The following RTEL1 variants were observed in gnomAD, a reference collection of about 807,000 sequenced individuals.
The protein encoded by RTEL1 is regulator of telomere length.
A neutral mutation model predicts 162.2 loss-of-function variants in RTEL1; 86 were observed. That is an observed-to-expected ratio of 0.53 (90% CI 0.45 to 0.63). The LOEUF (loss-of-function observed/expected upper bound fraction) is 0.63, where lower values mean the gene tolerates loss of function less well. Among genes scored for constraint, RTEL1 ranks in the 30% least tolerant of loss-of-function variants. The probability of loss-of-function intolerance (pLI) is 0.00; values close to 1 mark genes in which losing one functional copy is unlikely to be tolerated. For missense variants in RTEL1, 1,941 were observed against 1,750.2 expected (o/e 1.11, Z -1.95); for synonymous variants, 958 against 717.9 (o/e 1.33, Z -5.35).
intron 7 of RTEL1, among the ~76,000 whole-genome samples, 160 bp from the exon 8 acceptor site, chr20:63,667,309 T>G (rs920065540): frequency 6.6e-6 from 1 of 151,952 alleles, no homozygotes; most frequent in Non-Finnish European, 1.5e-5. Flanking sequence ...CATCCCTTGG[T>G]CAGAAACTCA....
At position 63,670,448 on chromosome 20, in the gene RTEL1, G is replaced by A. The variant is rs534513759; in HGVS notation, c.700-2108G>A. 1.3e-4 allele frequency among the ~76,000 whole-genome samples: 20 copies of A among 151,268 alleles called. 1 individual carries two copies. Among genetic ancestry groups the A allele is most frequent in the African/African-American group, 4.1e-4 (17 of 41,108 alleles). On this transcript the variant is annotated intron_variant, in intron 8 of 34. Coordinates refer to ENST00000360203, the MANE Select transcript of RTEL1 (RefSeq NM_001283009.2). ...GCATCCGGACAGACGTTTCACCAAG[G>A]TGGATGGAATGACCAGTTGAGCACA...
chr20:63,682,061 G>A, intron 14 of RTEL1: 1 of 985,470 alleles, frequency 1.0e-6, no homozygotes, highest in Non-Finnish European at 1.2e-6. Context: ...GCAGCCCAGG[G>A]CCTGGAGGGC....
chr20:63,680,854 A>G (rs2090464530), intron 14 of RTEL1, 135 bp downstream of exon 14: 1 of 1,505,210 alleles, frequency 6.6e-7, no homozygotes, highest in Non-Finnish European at 9.0e-7. Context: ...CTGATTGGCA[A>G]ACTCTCGGCT....
Position 63,661,751 on chromosome 20 carries a change from G to A in RTEL1, c.302-99G>A. ...CAGTATCTGGGGTGTCAGATTCTTG[G>A]CTGTCTGCAGGGCCGAGTTAGCCGA... On this transcript the variant is annotated intron_variant, in intron 3 of 34. Transcript: ENST00000360203. This position sits in a 1 kb window ranked among gnomAD's most constrained non-coding sequence, Gnocchi z 5.1. 1 of 1,106,602 alleles carries A rather than the reference G, an allele frequency of 9.0e-7. No individual in the cohort carries two copies. The highest frequency in any genetic ancestry group is 1.4e-6 in the Non-Finnish European group (1 of 730,422). The allele number at this position is 1,106,602 out of a possible 1,614,324, so 68.5% of individuals were successfully genotyped here.
chr20:63,694,645 G>C, intron 31 of RTEL1, 96 bp from the exon 32 acceptor site: 1 of 1,274,922 alleles, frequency 7.8e-7, no homozygotes, highest in East Asian at 2.5e-5. Context: ...GTCCTGAGCA[G>C]CTCTCCAGGA....
chr20:63,679,815 G>A (rs779568976), intron 12 of RTEL1, 34 bp from the exon 13 acceptor site: 63 of 1,553,114 alleles, frequency 4.1e-5, no homozygotes, highest in African/African-American at 5.5e-5. Flanking sequence ...TGGTCCCCCC[G>A]CCAGGCTCGA....
rs1601167337 is a variant in RTEL1, at chr20:63,689,148, C to T, written c.1878+16C>T. The T allele has an allele frequency of 1.2e-6, 2 of 1,605,658 alleles. No individual in the cohort carries two copies. Among genetic ancestry groups the T allele is most frequent in the Non-Finnish European group, 8.5e-7 (1 of 1,179,096 alleles). ...CCGGGGCAAGGTGAGCTCTCCAGGGCCCTCTGCCCTGACCTGGTTGCCTGT... is the reference window on the plus strand; with the variant it reads ...CCGGGGCAAGGTGAGCTCTCCAGGGTCCTCTGCCCTGACCTGGTTGCCTGT... On this transcript the variant is annotated intron_variant, in intron 22 of 34. Coordinates refer to ENST00000360203, the MANE Select transcript of RTEL1 (RefSeq NM_001283009.2).
intron 6 of RTEL1, 128 bp downstream of exon 6, chr20:63,663,017 C>G (rs1358579662): frequency 1.1e-6 from 1 of 882,024 alleles, no homozygotes; most frequent in East Asian, 2.5e-5. Context: ...GTACCTGGGC[C>G]CTGTCTTCTG....
At chr20:63,690,550 C>T in intron 26 of RTEL1, 109 bp downstream of exon 26, 1 of 1,340,004 alleles carries the variant, frequency 7.5e-7, no homozygotes, top group Middle Eastern at 2.7e-4. Context: ...GCTTTGTGCG[C>T]TTCCCCTCCC....
Position 63,695,210 on chromosome 20 carries a change from C to T in RTEL1, c.3488C>T (p.Ala1163Val). ...GTGCCTCCTGTGCTTACCCACAGGG[C>T]TCCCCAACCAGGTAGGGCACCTGCC... ...LAVPPVLTHR[A>V]PQPGPSRSEK... Residue 1163 changes from alanine (A) to valine (V), a missense_variant, in exon 33 of 35, where the codon GCT becomes GTT. By Grantham distance (64) the Ala-to-Val change is moderately conservative. Coordinates refer to ENST00000360203, the MANE Select transcript of RTEL1 (RefSeq NM_001283009.2). 2 of 1,611,882 alleles carry T rather than the reference C, an allele frequency of 1.2e-6. No homozygotes were observed. The highest frequency in any genetic ancestry group is 1.7e-6 in the Non-Finnish European group (2 of 1,179,620).
At chr20:63,680,410 G>A (rs555239966) in intron 13 of RTEL1, among the ~76,000 whole-genome samples, 3 of 152,288 alleles carry the variant, frequency 2.0e-5, no homozygotes, top group South Asian at 2.1e-4. Flanking sequence ...ACCCTTAGGC[G>A]ACCATAGAGC....
In RTEL1 at chr20:63,695,509, G is replaced by C; in HGVS notation, c.3681G>C (p.Gly1227=). 1 of 1,611,832 alleles carries C rather than the reference G, an allele frequency of 6.2e-7. No homozygotes were observed. The highest frequency in any genetic ancestry group is 8.5e-7 in the Non-Finnish European group (1 of 1,179,554). ...WGEPHGRDIA[G]QQATGAPGGP... Reference sequence around the variant, plus strand: ...AGCCTCATGGGAGAGACATCGCTGGGCAGCAGGCCACGGGAGCTCCGGGCG... The same window carrying C: ...AGCCTCATGGGAGAGACATCGCTGGCCAGCAGGCCACGGGAGCTCCGGGCG... The change falls in exon 34 of 35, where the codon GGG becomes GGC. Residue 1227 remains glycine (G), a synonymous_variant. Coordinates refer to ENST00000360203, the MANE Select transcript of RTEL1 (RefSeq NM_001283009.2).
chr20:63,678,086 G>A, intron 10 of RTEL1, 59 bp from the exon 11 acceptor site: 1 of 1,600,938 alleles, frequency 6.2e-7, no homozygotes, highest in South Asian at 1.1e-5. Flanking sequence ...GGTTCTCAAG[G>A]GCGGGGTTGT....
chr20:63,679,992 G>T, intron 13 of RTEL1, 46 bp downstream of exon 13: 3 of 1,413,434 alleles, frequency 2.1e-6, no homozygotes, highest in Non-Finnish European at 2.0e-6. Flanking sequence ...TGTGGCGTAG[G>T]GGGTGCAGCA....
At chr20:63,691,983 G>A (rs1440520140) in intron 28 of RTEL1, 146 bp downstream of exon 28, 10 of 610,240 alleles carry the variant, frequency 1.6e-5, no homozygotes, top group Non-Finnish European at 2.3e-5. Flanking sequence ...TGATGCTGAC[G>A]GCCAGGGGCT....
At chr20:63,686,338 C>T (rs2090592205) in intron 16 of RTEL1, 1 of 202,682 alleles carries the variant, frequency 4.9e-6, no homozygotes, top group Non-Finnish European at 1.0e-5. Flanking sequence ...TCTTGGCTTC[C>T]TGTGCTCCGT....
chr20:63,677,471 C>T (rs984662103), intron 10 of RTEL1, among the ~76,000 whole-genome samples: 1 of 152,094 alleles, frequency 6.6e-6, no homozygotes, highest in Non-Finnish European at 1.5e-5. Context: ...GAAAATTAGC[C>T]GGGCATGGTG....
intron 14 of RTEL1, chr20:63,682,577 C>T (rs1256423439): frequency 3.0e-6 from 3 of 985,822 alleles, no homozygotes; most frequent in Non-Finnish European, 2.4e-6. Flanking sequence ...GTGGATGACT[C>T]AGCTTCTGCC....
intron 14 of RTEL1, 165 bp downstream of exon 14, chr20:63,680,884 C>G (rs973063673): frequency 1.0e-6 from 1 of 980,516 alleles, no homozygotes; most frequent in Admixed American, 6.1e-5. Flanking sequence ...TGCCCTAAAC[C>G]CACACTGGGC....
Sources: allele counts gnomAD v4.1 joint callset (sites outside exome capture counted in the v4.1 genomes callset), GRCh38; gene constraint gnomAD v4.1.1; non-coding constraint Gnocchi (gnomAD v3.1); transcripts MANE v1.5; gene names NCBI Gene and HGNC (gene_info 2026-07-23, HGNC 2026-07-21).